LARGE1: variants seen among roughly 807,000 people sequenced by gnomAD.
LARGE1 encodes xylosyl- and glucuronyltransferase LARGE1.
Under a neutral mutation model 87.6 loss-of-function variants are expected in LARGE1, and 43 were observed. The ratio of observed to expected loss-of-function variants is 0.49; its 90% CI spans 0.38 to 0.63. The LOEUF (loss-of-function observed/expected upper bound fraction) is 0.63, where lower values mean the gene tolerates loss of function less well. Among genes scored for constraint, LARGE1 ranks in the 30% least tolerant of loss-of-function variants. LARGE1 has a pLI of 0.00. For synonymous variants in LARGE1, 434 were observed against 394.6 expected, an observed-to-expected ratio of 1.10 and a Z score of -1.18; for missense variants, 802 against 1,000.2, an observed-to-expected ratio of 0.80 and a Z score of 2.67.
At chr22:33,384,437 T>C in intron 7 of LARGE1, 133 bp from the exon 8 acceptor site, 2 of 715,600 alleles carry the variant, frequency 2.8e-6, no homozygotes, top group Non-Finnish European at 4.9e-6. Context: ...TATGCACTGC[T>C]GCAGATGAGT....
At chr22:33,435,246 C>T (rs947192552) in intron 6 of LARGE1, among the ~76,000 whole-genome samples, 7 of 152,146 alleles carry the variant, frequency 4.6e-5, no homozygotes, top group African/African-American at 1.7e-4. Flanking sequence ...AGGCGATCCT[C>T]CCACCGCAGC....
chr22:33,860,580 C>T (rs982356980), intron 1 of LARGE1, among the ~76,000 whole-genome samples: 2 of 152,270 alleles, frequency 1.3e-5, no homozygotes, highest in Admixed American at 6.5e-5. Flanking sequence ...CTGAGGAAAG[C>T]GACCCAGCCT....
intron 11 of LARGE1, among the ~76,000 whole-genome samples, chr22:33,218,247 T>A (rs939947823): frequency 2.0e-5 from 3 of 152,136 alleles, no homozygotes; most frequent in Non-Finnish European, 4.4e-5. Context: ...TTCTTAATTA[T>A]CTTCTTGAAT....
intron 1 of LARGE1, among the ~76,000 whole-genome samples, chr22:33,912,411 T>C (rs1032043815): frequency 1.3e-5 from 2 of 152,248 alleles, no homozygotes; most frequent in South Asian, 4.1e-4. Context: ...GCCCACGTTC[T>C]GCTGTAAATC....
Position 33,304,241 on chromosome 22 carries a change from T to C in LARGE1, c.1718A>G (p.Tyr573Cys), listed in dbSNP as rs775923546. ...DIDFLPMYGLYEYLRKSVIQL... is the reference protein window; with the variant it reads ...DIDFLPMYGLCEYLRKSVIQL... The stretch of plus-strand genomic sequence containing the variant: ...TGCAGGTCCTTACCTGAGGTACTCA[T>C]AGAGCCCATACATGGGCAGGAAGTC... Residue 573 changes from tyrosine to cysteine, a missense_variant, in exon 12 of 15, where the codon TAT (tyrosine) becomes TGT (cysteine). Around this residue, in one of 2 missense-constraint regions of LARGE1, gnomAD observed 625 missense variants for 841.9 expected, o/e 0.74. Coordinates refer to ENST00000397394, the MANE Select transcript of LARGE1 (RefSeq NM_133642.5). 45 of 1,614,102 alleles carry C rather than the reference T, an allele frequency of 2.8e-5. No homozygotes were observed. Among genetic ancestry groups the C allele is most frequent in the Admixed American group, 6.7e-5 (4 of 60,012 alleles).
chr22:33,819,072 A>G (rs2086741736), intron 1 of LARGE1, among the ~76,000 whole-genome samples: 1 of 152,174 alleles, frequency 6.6e-6, no homozygotes, highest in South Asian at 2.1e-4. Context: ...CTCAAAAACA[A>G]CTTCAAAGGC....
chr22:33,111,096 G>A, the LARGE1 span, among the ~76,000 whole-genome samples: 26 of 152,230 alleles, frequency 1.7e-4, no homozygotes, highest in African/African-American at 6.3e-4. Flanking sequence ...AGGCACCAGT[G>A]ACTTTTGAGA....
At chr22:33,682,071 A>T (rs5754638) in intron 2 of LARGE1, among the ~76,000 whole-genome samples, 14,614 of 152,148 alleles carry the variant, frequency 0.096, 892 homozygotes, top group Non-Finnish European at 0.14. Context: ...GTGCGTGGAC[A>T]CTGCAAATTC....
chr22:33,114,352 G>C, the LARGE1 span, among the ~76,000 whole-genome samples: 2 of 152,124 alleles, frequency 1.3e-5, no homozygotes, highest in Admixed American at 1.3e-4. Flanking sequence ...ATCCCAGCAA[G>C]GTTCATTAGA....
At chr22:33,128,664 G>T in the LARGE1 span, among the ~76,000 whole-genome samples, 1 of 129,428 alleles carries the variant, frequency 7.7e-6, no homozygotes. Flanking sequence ...ACAAGAGTGA[G>T]ACTTCGTCTC....
chr22:33,533,490 C>T (rs941000874), intron 6 of LARGE1, among the ~76,000 whole-genome samples: 9 of 152,242 alleles, frequency 5.9e-5, no homozygotes, highest in African/African-American at 1.4e-4. Context: ...TTTCTCGAGG[C>T]GATGAGGCTA....
chr22:33,213,647 T>A (rs1925064017), intron 11 of LARGE1, among the ~76,000 whole-genome samples: 1 of 152,192 alleles, frequency 6.6e-6, no homozygotes, highest in Admixed American at 6.5e-5. Flanking sequence ...GTTCAGATAA[T>A]TGTTAACATT....
At chr22:33,337,582 G>T (rs1452984992) in intron 10 of LARGE1, 64 bp downstream of exon 10, 2 of 1,590,476 alleles carry the variant, frequency 1.3e-6, no homozygotes. Flanking sequence ...CTGGCATGGG[G>T]GAGGTCCTTG....
chr22:33,357,043 G>C (rs980664329), intron 9 of LARGE1, among the ~76,000 whole-genome samples: 9 of 152,110 alleles, frequency 5.9e-5, no homozygotes, highest in Non-Finnish European at 1.2e-4. Context: ...AGAAATCATT[G>C]TAACAATAAG....
At chr22:33,708,664 T>G (rs113167978) in intron 2 of LARGE1, among the ~76,000 whole-genome samples, 6,191 of 152,212 alleles carry the variant, frequency 0.041, 403 homozygotes, top group African/African-American at 0.14. Flanking sequence ...ACAGTGGTGC[T>G]ATCTCGGCTC....
intron 6 of LARGE1, among the ~76,000 whole-genome samples, chr22:33,494,394 T>G (rs1039632837): frequency 2.0e-5 from 3 of 152,226 alleles, no homozygotes; most frequent in African/African-American, 4.8e-5. Context: ...ATAAAGTGAC[T>G]GAGCTGCTTC....
chr22:33,166,637 G>T (rs1301495056), exon 12 of LARGE1: 1 of 417,296 alleles, frequency 2.4e-6, no homozygotes, highest in Admixed American at 2.7e-5. Flanking sequence ...CAATCTTACC[G>T]TGAGGATGTT....
At chr22:33,842,724 A>G (rs936633931) in intron 1 of LARGE1, among the ~76,000 whole-genome samples, 5 of 152,314 alleles carry the variant, frequency 3.3e-5, no homozygotes, top group African/African-American at 9.6e-5. Flanking sequence ...TATGGTGGCC[A>G]CTAGCTGCAG....
chr22:33,619,818 G>C (rs1398233687), intron 4 of LARGE1, among the ~76,000 whole-genome samples: 1 of 152,162 alleles, frequency 6.6e-6, no homozygotes, highest in South Asian at 2.1e-4. Flanking sequence ...ACTTGGAACA[G>C]ACCCTGATAC....
Sources: allele counts gnomAD v4.1 joint callset (sites outside exome capture counted in the v4.1 genomes callset), GRCh38; gene constraint gnomAD v4.1.1; regional missense constraint gnomAD v4.1.1; transcripts MANE v1.5; gene names NCBI Gene and HGNC (gene_info 2026-07-23, HGNC 2026-07-21).